The following SAMD12 variants were observed in gnomAD, a reference collection of about 807,000 sequenced individuals.
SAMD12 encodes the protein sterile alpha motif domain containing 12.
A neutral mutation model predicts 15.0 loss-of-function variants in SAMD12; 9 were observed. That is an observed-to-expected ratio of 0.60 (90% confidence interval 0.36 to 1.05). SAMD12 has a LOEUF of 1.05. Ranked by LOEUF, SAMD12 falls within the 50% of genes least tolerant of loss-of-function variation. The pLI is 0.01. For synonymous variants in SAMD12, 86 were observed against 90.1 expected (o/e 0.96, Z 0.25); for missense variants, 230 against 234.2 (o/e 0.98, Z 0.12).
chr8:118,461,638 CA>C (rs1311120870), intron 2 of SAMD12, among the ~76,000 whole-genome samples: 5 of 152,202 alleles, frequency 3.3e-5, no homozygotes, highest in African/African-American at 7.2e-5. Context: ...CAGTACTTTT[CA>C]ACTTGTTTTT....
chr8:118,327,386 T>C (rs1396948997), intron 4 of SAMD12, among the ~76,000 whole-genome samples: 1 of 152,204 alleles, frequency 6.6e-6, no homozygotes, highest in Admixed American at 6.5e-5. Flanking sequence ...ATCTGACTCA[T>C]CTGTCTTTGT....
chr8:118,494,529 C>T (rs185639979), intron 2 of SAMD12, among the ~76,000 whole-genome samples: 163 of 152,300 alleles, frequency 1.1e-3, no homozygotes, highest in African/African-American at 3.8e-3. Flanking sequence ...ACTGTCTTCA[C>T]TGAAATATGT....
At chr8:118,329,520 G>A (rs537059824) in intron 4 of SAMD12, among the ~76,000 whole-genome samples, 10 of 152,240 alleles carry the variant, frequency 6.6e-5, no homozygotes, top group African/African-American at 2.2e-4. Flanking sequence ...CAAAGGTCTG[G>A]AGTGCATCTC....
chr8:118,607,521 C>A (rs1828013632), intron 1 of SAMD12, among the ~76,000 whole-genome samples: 1 of 152,196 alleles, frequency 6.6e-6, no homozygotes, highest in Admixed American at 6.5e-5. Context: ...CAGGCGTGAG[C>A]CACTGAGCCC....
At chr8:118,165,614 GTATATATA>G in the SAMD12 span, among the ~76,000 whole-genome samples, 788 of 120,414 alleles carry the variant, frequency 6.5e-3, 16 homozygotes, top group African/African-American at 0.021. Flanking sequence ...ATATATATAT[GTATATATA>G]TATATATATA....
chr8:118,241,149 T>C (rs1288536287), intron 4 of SAMD12, among the ~76,000 whole-genome samples: 9 of 152,188 alleles, frequency 5.9e-5, no homozygotes, highest in Admixed American at 3.9e-4. Context: ...GTTAACTACA[T>C]ACTCATTTTC....
At chr8:118,583,684 T>G (rs1380726415) in intron 1 of SAMD12, among the ~76,000 whole-genome samples, 3 of 152,150 alleles carry the variant, frequency 2.0e-5, no homozygotes, top group Non-Finnish European at 4.4e-5. Context: ...TCCTATCTCC[T>G]GCTCTTTGGG....
chr8:118,620,178 G>A (rs1828356022), intron 1 of SAMD12, among the ~76,000 whole-genome samples: 1 of 152,072 alleles, frequency 6.6e-6, no homozygotes, highest in Non-Finnish European at 1.5e-5. Context: ...AATTGTTTTC[G>A]AGAACAGTGT....
chr8:118,161,199 G>A, the SAMD12 span, among the ~76,000 whole-genome samples: 1 of 152,124 alleles, frequency 6.6e-6, no homozygotes, highest in Admixed American at 6.5e-5. Context: ...ATTGTTGTTG[G>A]ACATTTAGGT....
At chr8:118,469,516 AAT>A (rs1554669393) in intron 2 of SAMD12, among the ~76,000 whole-genome samples, 1 of 228 alleles carries the variant, frequency 4.4e-3, no homozygotes, top group Non-Finnish European at 7.2e-3. Context: ...TATAATATAT[AAT>A]ATATATAATA....
chr8:118,403,530 T>G (rs926728272), intron 3 of SAMD12, among the ~76,000 whole-genome samples: 15 of 152,208 alleles, frequency 9.9e-5, no homozygotes, highest in African/African-American at 3.4e-4. Context: ...TATAGTAGTA[T>G]TTCTTTAACA....
At chr8:118,161,989 A>G in the SAMD12 span, among the ~76,000 whole-genome samples, 4 of 151,612 alleles carry the variant, frequency 2.6e-5, no homozygotes. Context: ...GTGAAACCCC[A>G]TCTCTACTAA....
intron 3 of SAMD12, among the ~76,000 whole-genome samples, chr8:118,409,663 A>T (rs571404456): frequency 6.6e-6 from 1 of 152,296 alleles, no homozygotes; most frequent in African/African-American, 2.4e-5. Context: ...AGTGTTGGCC[A>T]CACTCACTGG....
At chr8:118,532,492 G>T (rs1475489720) in intron 2 of SAMD12, among the ~76,000 whole-genome samples, 4 of 152,074 alleles carry the variant, frequency 2.6e-5, no homozygotes, top group African/African-American at 9.7e-5. Context: ...TCTATTGATT[G>T]GAATAGTTTC....
chr8:118,583,765 AC>A (rs781626566), intron 1 of SAMD12, among the ~76,000 whole-genome samples: 2 of 152,172 alleles, frequency 1.3e-5, no homozygotes, highest in Non-Finnish European at 2.9e-5. Flanking sequence ...GTCTCTGGCT[AC>A]CACAGCAAGA....
chr8:118,450,446 A>G (rs903020990), intron 2 of SAMD12, among the ~76,000 whole-genome samples: 1 of 152,272 alleles, frequency 6.6e-6, no homozygotes, highest in Non-Finnish European at 1.5e-5. Flanking sequence ...CACATAGATG[A>G]GCACACTCTA....
chr8:118,175,033 AC>A, the SAMD12 span, among the ~76,000 whole-genome samples: 7 of 83,624 alleles, frequency 8.4e-5, no homozygotes, highest in African/African-American at 2.7e-4. Flanking sequence ...GCAAAAAAAA[AC>A]AAAAAAAAAA....
the SAMD12 span, among the ~76,000 whole-genome samples, chr8:118,161,437 G>T: frequency 3.3e-5 from 5 of 151,670 alleles, no homozygotes; most frequent in African/African-American, 1.2e-4. Context: ...AAAATTAGCT[G>T]GGTGTGGTGG....
intron 2 of SAMD12, among the ~76,000 whole-genome samples, chr8:118,522,479 T>G (rs189086930): frequency 2.6e-5 from 4 of 152,250 alleles, no homozygotes; most frequent in African/African-American, 9.6e-5. Context: ...TACTAAATAA[T>G]CATACTCGGT....
Sources: allele counts gnomAD v4.1 joint callset (sites outside exome capture counted in the v4.1 genomes callset), GRCh38; gene constraint gnomAD v4.1.1; transcripts MANE v1.5; gene names NCBI Gene and HGNC (gene_info 2026-07-23, HGNC 2026-07-21).